DNAH3: variants seen among roughly 807,000 people sequenced by gnomAD.
DNAH3 encodes the protein dynein axonemal heavy chain 3.
A neutral mutation model predicts 432.5 loss-of-function variants in DNAH3; 332 were observed. The ratio of observed to expected loss-of-function variants is 0.77; its 90% confidence interval spans 0.70 to 0.84. The LOEUF is 0.84. DNAH3 is among the 40% of genes least tolerant of loss of function. The pLI, the probability that DNAH3 is intolerant of heterozygous loss-of-function variation, is 0.00. For missense variants in DNAH3, 4,861 were observed against 5,114.0 expected (o/e 0.95, Z 1.51); for synonymous variants, 1,956 against 1,900.2 (o/e 1.03, Z -0.76).
chr16:21,123,224 G>C (rs1222392119), intron 9 of DNAH3, among the ~76,000 whole-genome samples: 1 of 151,684 alleles, frequency 6.6e-6, no homozygotes, highest in Non-Finnish European at 1.5e-5. Flanking sequence ...TATTGACATA[G>C]AGCTATTTCC....
chr16:21,118,762 G>A (rs1348297230), intron 11 of DNAH3, among the ~76,000 whole-genome samples: 1 of 152,126 alleles, frequency 6.6e-6, no homozygotes. Context: ...TATTGAGATT[G>A]CAGGCTTGAG....
chr16:21,098,312 G>A (rs1054308012), intron 17 of DNAH3, among the ~76,000 whole-genome samples: 19 of 151,830 alleles, frequency 1.3e-4, no homozygotes, highest in African/African-American at 4.4e-4. Flanking sequence ...GGTGGCACAC[G>A]CCTGTAATCC....
intron 14 of DNAH3, among the ~76,000 whole-genome samples, chr16:21,111,205 C>A (rs539732333): frequency 6.6e-6 from 1 of 152,126 alleles, no homozygotes; most frequent in Non-Finnish European, 1.5e-5. Flanking sequence ...ACAGAATTCC[C>A]GGACCTATAC....
At chr16:21,106,293 C>T (rs761387172) in intron 15 of DNAH3, among the ~76,000 whole-genome samples, 197 bp downstream of exon 15, 4 of 151,244 alleles carry the variant, frequency 2.6e-5, no homozygotes, top group Admixed American at 6.6e-5. Flanking sequence ...GTATAAAATT[C>T]GTGCCTCTAA....
exon 8 of DNAH3, chr16:21,127,789 C>G: frequency 6.2e-7 from 1 of 1,614,042 alleles, no homozygotes; most frequent in Non-Finnish European, 8.5e-7. Flanking sequence ...TTCTGCTGTT[C>G]GAACAAACCT....
chr16:20,936,175 C>A (rs531776161), intron 60 of DNAH3, among the ~76,000 whole-genome samples: 3 of 150,922 alleles, frequency 2.0e-5, no homozygotes, highest in Non-Finnish European at 4.4e-5. Context: ...TCTTTTTAGA[C>A]GGAGTCTTGC....
chr16:20,986,700 C>G (rs1364479133), intron 47 of DNAH3, among the ~76,000 whole-genome samples: 1 of 152,144 alleles, frequency 6.6e-6, no homozygotes, highest in African/African-American at 2.4e-5. Context: ...GGTCCCCACT[C>G]TGTGCCTGGA....
chr16:20,980,297 C>G (rs1019618513), intron 49 of DNAH3, among the ~76,000 whole-genome samples: 5 of 135,330 alleles, frequency 3.7e-5, no homozygotes, highest in African/African-American at 1.4e-4. Context: ...TAATATACAT[C>G]ATATATTATA....
chr16:20,962,521 A>C (rs1342231788), intron 53 of DNAH3, among the ~76,000 whole-genome samples: 1 of 152,260 alleles, frequency 6.6e-6, no homozygotes, highest in Non-Finnish European at 1.5e-5. Context: ...GCTCATGCTG[A>C]CAATGCCTGA....
rs571464502 is a variant in DNAH3 at position 20,948,468 on chromosome 16, C to T, written c.11343+15G>A. On this transcript the variant is annotated intron_variant, in intron 57 of 61. Coordinates refer to ENST00000261383, the Ensembl canonical transcript of DNAH3. ...CTGTGGGGGAAAGAGGTAGGCCTCC[C>T]TGCCCACCCCTTACCTGGTAGGAGC... 1 of 1,611,268 alleles carries T rather than the reference C, an allele frequency of 6.2e-7. No homozygotes were observed. Among genetic ancestry groups the T allele is most frequent in the Admixed American group, 1.7e-5 (1 of 59,644 alleles).
At chr16:21,146,163 A>C in intron 1 of DNAH3, 75 bp from the exon 3 acceptor site, 1 of 968,956 alleles carries the variant, frequency 1.0e-6, no homozygotes, top group Non-Finnish European at 1.6e-6. Flanking sequence ...GTTAGGACTA[A>C]AGAGGTCCCC....
intron 35 of DNAH3, among the ~76,000 whole-genome samples, chr16:21,035,548 G>A (rs1344889330): frequency 6.7e-6 from 1 of 148,274 alleles, no homozygotes; most frequent in Non-Finnish European, 1.5e-5. Flanking sequence ...ATGGATGGAC[G>A]GATGGATAAA....
At position 20,959,281 on chromosome 16, in the gene DNAH3, C is replaced by T; in HGVS notation, c.10724G>A (p.Trp3575Ter). ...CAGGTGGCAGTTCTGTAAGACCACCCAGGTCCCGTCTTTGATGGCATTGTT... is the reference window on the plus strand; with the variant it reads ...CAGGTGGCAGTTCTGTAAGACCACCTAGGTCCCGTCTTTGATGGCATTGTT... Residue 3575 changes from tryptophan (W) to a stop codon, truncating the protein, a stop_gained, in exon 54 of 62, where the codon TGG becomes TAG. Transcript: ENST00000261383. LOFTEE classifies it high-confidence loss of function. 1 of 1,614,182 alleles carries T rather than the reference C, an allele frequency of 6.2e-7. No individual in the cohort carries two copies. Among genetic ancestry groups the T allele is most frequent in the Non-Finnish European group, 8.5e-7 (1 of 1,180,042 alleles).
intron 9 of DNAH3, among the ~76,000 whole-genome samples, chr16:21,122,392 TAAAAAACAC>T (rs917515564): frequency 5.3e-5 from 8 of 151,890 alleles, no homozygotes; most frequent in Non-Finnish European, 1.0e-4. Flanking sequence ...CCGTCTCTAC[TAAAAAACAC>T]AAAAAACTAG....
intron 18 of DNAH3, among the ~76,000 whole-genome samples, chr16:21,089,621 C>T (rs146518041): frequency 4.6e-5 from 7 of 152,076 alleles, no homozygotes; most frequent in African/African-American, 1.7e-4. Flanking sequence ...ATCCATAGGT[C>T]CTAGAGGAGT....
intron 7 of DNAH3, among the ~76,000 whole-genome samples, chr16:21,128,102 A>G (rs2152818029): frequency 6.6e-6 from 1 of 152,136 alleles, no homozygotes; most frequent in South Asian, 2.1e-4. Flanking sequence ...GGGCTGTGGC[A>G]CCAGCTGGAG....
At chr16:20,988,590 A>G (rs2086342486) in intron 44 of DNAH3, among the ~76,000 whole-genome samples, 1 of 152,144 alleles carries the variant, frequency 6.6e-6, no homozygotes, top group Admixed American at 6.6e-5. Flanking sequence ...CAGGCATGAG[A>G]CACCGCGCCC....
At chr16:21,153,844 C>G (rs761227891) in intron 1 of DNAH3, among the ~76,000 whole-genome samples, 2 of 152,182 alleles carry the variant, frequency 1.3e-5, no homozygotes, top group Non-Finnish European at 2.9e-5. Context: ...GAACCAAGTA[C>G]TTCCATTTTC....
chr16:21,048,358 G>A (rs1244426638), intron 31 of DNAH3, among the ~76,000 whole-genome samples: 4 of 152,222 alleles, frequency 2.6e-5, no homozygotes, highest in Non-Finnish European at 5.9e-5. Context: ...TCCGAGCCAG[G>A]TGCAGGATAT....
Sources: gnomAD v4.1 joint callset for allele counts (sites outside exome capture counted in the v4.1 genomes callset) on GRCh38, gnomAD v4.1.1 for gene constraint, MANE v1.5 for transcripts, NCBI Gene and HGNC (gene_info 2026-07-23, HGNC 2026-07-21) for gene names.